SYN3: variants seen among roughly 807,000 people sequenced by gnomAD.
SYN3 encodes synapsin III, also known as synapsin-3.
In SYN3, 35 loss-of-function variants were observed where a neutral mutation model predicts 65.8. The ratio of observed to expected loss-of-function variants is 0.53; its 90% confidence interval spans 0.41 to 0.70. SYN3 has a LOEUF of 0.70. Ranked by LOEUF, SYN3 falls within the 30% of genes least tolerant of loss-of-function variation. SYN3 has a pLI of 0.00. For synonymous variants in SYN3, 270 were observed against 292.9 expected (o/e 0.92, Z 0.80); for missense variants, 680 against 749.0 (o/e 0.91, Z 1.08).
chr22:32,743,650 G>T (rs1052536334), intron 6 of SYN3, among the ~76,000 whole-genome samples: 3 of 152,140 alleles, frequency 2.0e-5, no homozygotes, highest in East Asian at 1.9e-4. Context: ...TATCCTTGGG[G>T]CTCAGGTGAC....
chr22:32,811,814 C>T (rs1418943851), intron 6 of SYN3, among the ~76,000 whole-genome samples: 1 of 152,182 alleles, frequency 6.6e-6, no homozygotes, highest in Non-Finnish European at 1.5e-5. Context: ...AGGGCAAGCC[C>T]AACACTTGTC....
At chr22:32,862,680 TG>T in intron 6 of SYN3, 1 of 151,776 alleles carries the variant, frequency 6.6e-6, no homozygotes, top group Non-Finnish European at 1.5e-5. Flanking sequence ...GTAGGGGAGG[TG>T]GATGTGACAA....
intron 6 of SYN3, chr22:32,861,068 T>C (rs1260915410): frequency 6.6e-6 from 1 of 152,318 alleles, no homozygotes; most frequent in African/African-American, 2.4e-5. Context: ...TTGAACATGA[T>C]TGCTCTCTGT....
At chr22:32,808,554 A>G (rs2145972982) in intron 6 of SYN3, among the ~76,000 whole-genome samples, 1 of 152,304 alleles carries the variant, frequency 6.6e-6, no homozygotes, top group Middle Eastern at 3.4e-3. Flanking sequence ...AATGGCTTTT[A>G]CAAGGGCCAG....
chr22:32,799,418 C>T (rs2046507969), intron 6 of SYN3, among the ~76,000 whole-genome samples: 1 of 152,122 alleles, frequency 6.6e-6, no homozygotes. Context: ...TAAGTAGCTG[C>T]TGGAAAAAAA....
intron 3 of SYN3, among the ~76,000 whole-genome samples, chr22:32,962,462 A>G (rs2051685659): frequency 6.6e-6 from 1 of 152,186 alleles, no homozygotes; most frequent in East Asian, 1.9e-4. Context: ...GTAATTTCCC[A>G]TTAAATACAT....
intron 2 of SYN3, among the ~76,000 whole-genome samples, chr22:32,986,655 C>G (rs2145686900): frequency 6.6e-6 from 1 of 152,222 alleles, no homozygotes; most frequent in South Asian, 2.1e-4. Context: ...GGGTTGCTGC[C>G]TCTGTAATTG....
At chr22:32,783,905 A>T (rs1385407763) in intron 6 of SYN3, among the ~76,000 whole-genome samples, 2 of 152,222 alleles carry the variant, frequency 1.3e-5, no homozygotes, top group Non-Finnish European at 2.9e-5. Context: ...CGTGGTAGGC[A>T]TGTGACTTGA....
intron 6 of SYN3, among the ~76,000 whole-genome samples, chr22:32,643,550 G>C (rs372845538): frequency 1.8e-5 from 2 of 113,876 alleles, no homozygotes; most frequent in Admixed American, 8.7e-5. Context: ...TAGAAATGGT[G>C]GGGGGGCGGG....
intron 7 of SYN3, among the ~76,000 whole-genome samples, chr22:32,560,261 G>A (rs764818779): frequency 1.3e-5 from 2 of 152,208 alleles, no homozygotes; most frequent in Non-Finnish European, 2.9e-5. Context: ...TTTAAATACA[G>A]TTTCACTCCT....
intron 6 of SYN3, among the ~76,000 whole-genome samples, chr22:32,608,363 C>G (rs2059397897): frequency 6.6e-6 from 1 of 152,204 alleles, no homozygotes; most frequent in South Asian, 2.1e-4. Flanking sequence ...AGCCACCATG[C>G]CCAGCCCATG....
At position 32,869,068 on chromosome 22, in the gene SYN3, C is replaced by A; in HGVS notation, c.519G>T (p.Leu173=). ...LVRQHAYSMA[L]GEDYRSLVIG... The stretch of plus-strand genomic sequence containing the variant: ...TGACCAGGCTGCGGTAGTCTTCCCC[C>A]AGGGCCATGCTGTAGGCATGCTGGC... Residue 173 remains leucine, a synonymous_variant, in exon 5 of 14, where the codon CTG becomes CTT. Coordinates refer to ENST00000358763, the MANE Select transcript of SYN3 (RefSeq NM_003490.4). 1 of 1,614,120 alleles carries A rather than the reference C, an allele frequency of 6.2e-7. No individual in the cohort carries two copies. The highest frequency in any genetic ancestry group is 8.5e-7 in the Non-Finnish European group (1 of 1,179,964).
intron 1 of SYN3, among the ~76,000 whole-genome samples, chr22:33,044,568 CT>C (rs2054024795): frequency 2.6e-5 from 4 of 152,052 alleles, no homozygotes; most frequent in Admixed American, 6.6e-5. Context: ...TAGCCATTCT[CT>C]AACCTTATTC....
intron 4 of SYN3, among the ~76,000 whole-genome samples, chr22:32,919,715 T>C (rs2050285709): frequency 6.6e-6 from 1 of 152,116 alleles, no homozygotes; most frequent in African/African-American, 2.4e-5. Context: ...AGTAAAGAAA[T>C]GTTATTATAA....
intron 12 of SYN3, among the ~76,000 whole-genome samples, chr22:32,520,542 A>G (rs1219251676): frequency 4.6e-5 from 7 of 152,222 alleles, no homozygotes; most frequent in Non-Finnish European, 1.0e-4. Context: ...CTTTGACTCA[A>G]AAACCCTGTT....
Position 32,991,360 on chromosome 22 carries a change from A to AATAATAATAATG in SYN3, c.312-10659_312-10658insCATTATTATTAT, listed in dbSNP as rs1556097838. On this transcript the variant is annotated intron_variant, in intron 2 of 13. Coordinates refer to ENST00000358763, the MANE Select transcript of SYN3 (RefSeq NM_003490.4). ...CTCAAATAATAATAATAATAATAAT[A>AATAATAATAATG]ATAATAATAATAGTAATAATAGAAC... Among the ~76,000 whole-genome samples, 531 of 148,742 alleles carry AATAATAATAATG rather than the reference A, an allele frequency of 3.6e-3. 3 individuals carry two copies. Among genetic ancestry groups the AATAATAATAATG allele is most frequent in the African/African-American group, 0.013 (507 of 40,528 alleles).
intron 4 of SYN3, among the ~76,000 whole-genome samples, chr22:32,883,458 G>A (rs2049198703): frequency 6.6e-6 from 1 of 152,220 alleles, no homozygotes; most frequent in South Asian, 2.1e-4. Context: ...TTTGGCAGCT[G>A]TCAGATCAAC....
rs971125248 is a variant in SYN3, at chr22:33,006,221, C to T, written c.311+131G>A. On this transcript the variant is annotated intron_variant, in intron 2 of 13. Transcript: ENST00000358763. ...CAGCCACTTGGTACATGTTAGTTTC[C>T]TTCTCTCCAGCCAGGCTCTGATAGC... 14 of 1,098,864 alleles carry T rather than the reference C, an allele frequency of 1.3e-5. No homozygotes were observed. In the African/African-American group the frequency reaches 2.2e-4, roughly 17 times the overall value. 68.1% of individuals were successfully genotyped at this position (1,098,864 alleles called of 1,614,324 possible).
At chr22:32,554,851 T>C (rs1375731340) in intron 7 of SYN3, among the ~76,000 whole-genome samples, 3 of 152,214 alleles carry the variant, frequency 2.0e-5, no homozygotes, top group Non-Finnish European at 4.4e-5. Context: ...CCATCACTTA[T>C]TCGCTGCATG....
Sources: gnomAD v4.1 joint callset for allele counts (sites outside exome capture counted in the v4.1 genomes callset) on GRCh38, gnomAD v4.1.1 for gene constraint, MANE v1.5 for transcripts, NCBI Gene and HGNC (gene_info 2026-07-23, HGNC 2026-07-21) for gene names.